Variants in MAP2K4 observed in about 807,000 individuals in gnomAD.
MAP2K4 encodes the protein dual specificity mitogen-activated protein kinase kinase 4.
MAP2K4 carries 4 observed loss-of-function variants against 48.5 expected under a neutral mutation model. The ratio of observed to expected loss-of-function variants is 0.08; its 90% CI spans 0.04 to 0.19. The LOEUF (loss-of-function observed/expected upper bound fraction) is 0.19. Among genes scored for constraint, MAP2K4 ranks in the 10% least tolerant of loss-of-function variants. MAP2K4 has a pLI of 1.00. For synonymous variants in MAP2K4, 166 were observed against 173.1 expected (o/e 0.96, Z 0.32); for missense variants, 258 against 493.3 (o/e 0.52, Z 4.52).
At chr17:12,101,943 T>C (rs1971951716) in intron 4 of MAP2K4, among the ~76,000 whole-genome samples, 2 of 152,124 alleles carry the variant, frequency 1.3e-5, no homozygotes. Flanking sequence ...CATCATTTTG[T>C]CTGTGAATAA....
chr17:12,032,367 T>A (rs1969466903), intron 1 of MAP2K4: 3 of 725,498 alleles, frequency 4.1e-6, no homozygotes, highest in Non-Finnish European at 5.9e-6. Flanking sequence ...TGGGAATGTG[T>A]CCACTATTGT....
intron 1 of MAP2K4, among the ~76,000 whole-genome samples, chr17:12,029,973 A>G (rs1271590346): frequency 6.6e-6 from 1 of 152,090 alleles, no homozygotes; most frequent in Non-Finnish European, 1.5e-5. Flanking sequence ...ACTAGTGAAT[A>G]TTATATCATA....
At chr17:12,022,606 C>G (rs187585522) in intron 1 of MAP2K4, among the ~76,000 whole-genome samples, 25 of 152,088 alleles carry the variant, frequency 1.6e-4, no homozygotes, top group African/African-American at 5.8e-4. Flanking sequence ...TAGCTGGATA[C>G]AGTGTGTTTT....
intron 2 of MAP2K4, among the ~76,000 whole-genome samples, chr17:12,064,811 A>T (rs1223032332): frequency 6.6e-6 from 1 of 152,228 alleles, no homozygotes; most frequent in East Asian, 1.9e-4. Context: ...AAGAACCCAG[A>T]GTGTTCAATA....
chr17:12,057,636 A>G (rs1456698733), intron 2 of MAP2K4, among the ~76,000 whole-genome samples: 1 of 151,756 alleles, frequency 6.6e-6, no homozygotes, highest in Non-Finnish European at 1.5e-5. Flanking sequence ...TTTTCCTATC[A>G]TCTTCTCCTG....
At chr17:12,052,951 A>G (rs180975731) in intron 1 of MAP2K4, among the ~76,000 whole-genome samples, 210 of 152,206 alleles carry the variant, frequency 1.4e-3, no homozygotes, top group East Asian at 4.6e-3. Flanking sequence ...AGCGTCTCCA[A>G]AATTTTGACT....
chr17:12,116,500 T>A (rs573339748), intron 7 of MAP2K4, among the ~76,000 whole-genome samples: 91 of 152,244 alleles, frequency 6.0e-4, no homozygotes, highest in Admixed American at 1.6e-3. Context: ...TTAAAAAAAA[T>A]TTTTTTTACT....
Position 12,057,970 on chromosome 17 carries a change from A to G in MAP2K4, c.218+2979A>G, listed in dbSNP as rs546009995. On this transcript the variant is annotated intron_variant, in intron 2 of 10. Coordinates refer to ENST00000353533, the MANE Select transcript of MAP2K4 (RefSeq NM_003010.4). ...TTTTACATCTTATAATTTTTTTTTCATGTCTTGTTCTTGATTGTTTCTTGA... is the reference window on the plus strand; with the variant it reads ...TTTTACATCTTATAATTTTTTTTTCGTGTCTTGTTCTTGATTGTTTCTTGA... Among the ~76,000 whole-genome samples the G allele has an allele frequency of 8.6e-4, 129 of 149,642 alleles. No homozygotes were observed. The South Asian group carries it at 9.3e-3, about 11-fold the overall frequency.
intron 6 of MAP2K4, among the ~76,000 whole-genome samples, chr17:12,112,377 C>T (rs1056472078): frequency 2.7e-5 from 4 of 149,354 alleles, no homozygotes; most frequent in East Asian, 2.0e-4. Context: ...GCAGAAGAAT[C>T]GATTGAACTT....
intron 1 of MAP2K4, among the ~76,000 whole-genome samples, chr17:12,043,691 G>A (rs1367462936): frequency 5.9e-5 from 9 of 152,104 alleles, no homozygotes; most frequent in Admixed American, 5.9e-4. Context: ...GAAGAGATAG[G>A]ACCCTGTATA....
At chr17:12,069,133 A>G (rs1367217115) in intron 2 of MAP2K4, among the ~76,000 whole-genome samples, 1 of 152,170 alleles carries the variant, frequency 6.6e-6, no homozygotes, top group African/African-American at 2.4e-5. Flanking sequence ...GTGGTTGGCT[A>G]TGTCTAATGT....
intron 4 of MAP2K4, among the ~76,000 whole-genome samples, chr17:12,096,393 C>T (rs948005496): frequency 6.6e-6 from 1 of 152,060 alleles, no homozygotes; most frequent in Non-Finnish European, 1.5e-5. Flanking sequence ...TCCAGTCATC[C>T]AGCTGCCTAA....
intron 2 of MAP2K4, among the ~76,000 whole-genome samples, chr17:12,058,749 C>G (rs940582961): frequency 1.3e-5 from 2 of 152,106 alleles, no homozygotes; most frequent in African/African-American, 4.8e-5. Context: ...AAGATAAGAG[C>G]TGCTTTTAAA....
At chr17:12,047,424 A>G (rs578212584) in intron 1 of MAP2K4, among the ~76,000 whole-genome samples, 19 of 152,176 alleles carry the variant, frequency 1.2e-4, no homozygotes, top group Non-Finnish European at 1.9e-4. Flanking sequence ...TTTGGCAGGT[A>G]TGGCGCTAAG....
rs1969083361 is a variant in MAP2K4, at chr17:12,021,860, T to A, written c.115+859T>A. On this transcript the variant is annotated intron_variant, in intron 1 of 10. Coordinates refer to ENST00000353533, the MANE Select transcript of MAP2K4 (RefSeq NM_003010.4). Reference sequence around the variant, plus strand: ...AGGCAGCTCTGCTAATTAATGACTTTCCCCACTGGGAATGCTTATTAGCTG... The same window carrying A: ...AGGCAGCTCTGCTAATTAATGACTTACCCCACTGGGAATGCTTATTAGCTG... Among the ~76,000 whole-genome samples, 3 of 152,176 alleles carry A rather than the reference T, an allele frequency of 2.0e-5. No homozygotes were observed. In the South Asian group the frequency reaches 6.2e-4, roughly 31 times the overall value.
At chr17:12,034,412 G>C (rs768066356) in intron 1 of MAP2K4, among the ~76,000 whole-genome samples, 10 of 152,214 alleles carry the variant, frequency 6.6e-5, no homozygotes, top group Admixed American at 1.3e-4. Context: ...TATTCACCTT[G>C]ATTGCCCTCA....
chr17:12,051,869 A>G (rs1197716705), intron 1 of MAP2K4, among the ~76,000 whole-genome samples: 1 of 152,018 alleles, frequency 6.6e-6, no homozygotes, highest in Non-Finnish European at 1.5e-5. Flanking sequence ...ACCCAGCCCC[A>G]GTAGAGGCTC....
chr17:12,099,213 C>CA (rs202135270), intron 4 of MAP2K4, among the ~76,000 whole-genome samples: 1,475 of 125,870 alleles, frequency 0.012, 13 homozygotes, highest in South Asian at 0.024. Flanking sequence ...CGTGTTGCTA[C>CA]AAAAAAAAAA....
chr17:12,035,540 A>G (rs1287044190), intron 1 of MAP2K4, among the ~76,000 whole-genome samples: 3 of 152,088 alleles, frequency 2.0e-5, no homozygotes, highest in African/African-American at 4.8e-5. Flanking sequence ...AAATAACTCC[A>G]TATCAAAATA....
Sources: gnomAD v4.1 joint callset for allele counts (sites outside exome capture counted in the v4.1 genomes callset) on GRCh38, gnomAD v4.1.1 for gene constraint, MANE v1.5 for transcripts, NCBI Gene and HGNC (gene_info 2026-07-23, HGNC 2026-07-21) for gene names.